The following NKAIN3 variants were observed in gnomAD, a reference collection of about 807,000 sequenced individuals.
NKAIN3 encodes sodium/potassium transporting ATPase interacting 3, also known as sodium/potassium-transporting ATPase subunit beta-1-interacting protein 3.
NKAIN3 carries 25 observed loss-of-function variants against 30.2 expected under a neutral mutation model. The observed-to-expected ratio is 0.83, with a 90% confidence interval of 0.60 to 1.16. The LOEUF (loss-of-function observed/expected upper bound fraction) is 1.16, where lower values mean the gene tolerates loss of function less well. Ranked by LOEUF, NKAIN3 falls within the 50% of genes most tolerant of loss-of-function variation. The pLI is 0.00. For synonymous variants in NKAIN3, 91 were observed against 89.6 expected, an observed-to-expected ratio of 1.02 and a Z score of -0.09; for missense variants, 225 against 254.1, an observed-to-expected ratio of 0.89 and a Z score of 0.78.
At chr8:62,849,338 T>C (rs2130770994) in intron 4 of NKAIN3, among the ~76,000 whole-genome samples, 1 of 150,838 alleles carries the variant, frequency 6.6e-6, no homozygotes, top group Admixed American at 6.6e-5. Context: ...TTTATTACTG[T>C]CTCAATTTCA....
At chr8:62,915,873 C>A (rs1481386620) in intron 4 of NKAIN3, among the ~76,000 whole-genome samples, 1 of 151,894 alleles carries the variant, frequency 6.6e-6, no homozygotes, top group African/African-American at 2.4e-5. Flanking sequence ...AAAGCAAGAT[C>A]AAGTTAATAA....
intron 4 of NKAIN3, among the ~76,000 whole-genome samples, chr8:62,808,476 C>A (rs992192134): frequency 1.3e-5 from 2 of 152,080 alleles, no homozygotes; most frequent in African/African-American, 4.8e-5. Context: ...GAAACCAGCC[C>A]CTGATATTTC....
At chr8:62,911,989 G>A (rs1354336598) in intron 4 of NKAIN3, among the ~76,000 whole-genome samples, 1 of 152,126 alleles carries the variant, frequency 6.6e-6, no homozygotes, top group Non-Finnish European at 1.5e-5. Flanking sequence ...CTTAACTACA[G>A]GGATACATTC....
At chr8:62,863,413 T>C in intron 4 of NKAIN3, 1 of 1,550,258 alleles carries the variant, frequency 6.5e-7, no homozygotes, top group Non-Finnish European at 8.8e-7. Context: ...CGGCTTTATG[T>C]CAGTATGAGT....
chr8:62,651,102 A>G (rs1812607513), intron 3 of NKAIN3, among the ~76,000 whole-genome samples: 1 of 151,752 alleles, frequency 6.6e-6, no homozygotes, highest in Non-Finnish European at 1.5e-5. Flanking sequence ...TTTATTTCCC[A>G]TCAGTACCTA....
At chr8:62,854,322 G>A (rs960296546) in intron 4 of NKAIN3, among the ~76,000 whole-genome samples, 1 of 152,176 alleles carries the variant, frequency 6.6e-6, no homozygotes, top group African/African-American at 2.4e-5. Flanking sequence ...CACTATTATT[G>A]TGTGGGAGTC....
chr8:62,289,798 T>C (rs1470493081), intron 1 of NKAIN3, among the ~76,000 whole-genome samples: 4 of 152,222 alleles, frequency 2.6e-5, no homozygotes, highest in South Asian at 4.1e-4. Context: ...GGTAGCTTGA[T>C]GGGGATGGCA....
At chr8:62,573,686 T>C (rs1203160649) in intron 1 of NKAIN3, among the ~76,000 whole-genome samples, 1 of 152,102 alleles carries the variant, frequency 6.6e-6, no homozygotes, top group Non-Finnish European at 1.5e-5. Context: ...TTTTTTTAAG[T>C]GTCTAAGATT....
At chr8:62,521,230 C>T (rs999523870) in intron 1 of NKAIN3, among the ~76,000 whole-genome samples, 18 of 151,998 alleles carry the variant, frequency 1.2e-4, no homozygotes, top group South Asian at 6.2e-4. Context: ...CCTGCTGTGA[C>T]GCTCTGATTC....
In NKAIN3 at chr8:62,970,271, T is replaced by C. The variant is rs1387640578; in HGVS notation, c.*4864T>C. 1.3e-5 allele frequency among the ~76,000 whole-genome samples: 2 copies of C among 152,144 alleles called. No homozygotes were observed. Among genetic ancestry groups the C allele is most frequent in the East Asian group, 3.9e-4 (2 of 5,180 alleles). ...TGTTTTAATTATTAGAAGAAGGTAT[T>C]TATCAATAAAGAATTCTCAAAAAAA... is the stretch of plus-strand genomic sequence containing the variant. On this transcript the variant is annotated 3_prime_UTR_variant, in exon 7 of 7. Transcript: ENST00000623646.
chr8:62,796,279 G>A (rs1817857543), intron 4 of NKAIN3, among the ~76,000 whole-genome samples: 2 of 148,438 alleles, frequency 1.3e-5, no homozygotes, highest in Non-Finnish European at 3.0e-5. Flanking sequence ...AGCTACTCCA[G>A]AGGTTGGGAC....
intron 1 of NKAIN3, chr8:62,482,778 A>G (rs1806767714): frequency 6.6e-6 from 1 of 152,216 alleles, no homozygotes; most frequent in Non-Finnish European, 1.5e-5. Context: ...ATGCACTGAC[A>G]TCAGGGTTTG....
chr8:62,477,586 A>G (rs1806562574), intron 1 of NKAIN3, among the ~76,000 whole-genome samples: 2 of 152,206 alleles, frequency 1.3e-5, no homozygotes, highest in Admixed American at 1.3e-4. Flanking sequence ...TGGGTGATAG[A>G]AATAGTATTG....
intron 1 of NKAIN3, among the ~76,000 whole-genome samples, chr8:62,328,300 C>G (rs1046706431): frequency 3.9e-5 from 6 of 152,074 alleles, no homozygotes; most frequent in Non-Finnish European, 5.9e-5. Context: ...TAATATAGTT[C>G]AATATACATT....
At chr8:62,890,474 T>C (rs1821268669) in intron 4 of NKAIN3, among the ~76,000 whole-genome samples, 1 of 152,222 alleles carries the variant, frequency 6.6e-6, no homozygotes, top group Admixed American at 6.5e-5. Flanking sequence ...TCAACTAACT[T>C]ATGTTTCATG....
chr8:62,395,005 A>G (rs1043775610), intron 1 of NKAIN3, among the ~76,000 whole-genome samples: 1 of 121,506 alleles, frequency 8.2e-6, no homozygotes, highest in Non-Finnish European at 1.7e-5. Context: ...AGAGGCGCTC[A>G]TCACTTCTCA....
intron 1 of NKAIN3, among the ~76,000 whole-genome samples, chr8:62,464,070 C>T (rs118007091): frequency 5.3e-5 from 8 of 152,288 alleles, no homozygotes; most frequent in Non-Finnish European, 1.0e-4. Flanking sequence ...TTTAGTGAAT[C>T]ACAATGCACC....
intron 1 of NKAIN3, among the ~76,000 whole-genome samples, chr8:62,340,673 G>A (rs1815711471): frequency 6.6e-6 from 1 of 152,108 alleles, no homozygotes; most frequent in South Asian, 2.1e-4. Context: ...GGACATCAAG[G>A]GTAGGGGGAA....
chr8:62,515,132 G>A (rs1212077500), intron 1 of NKAIN3, among the ~76,000 whole-genome samples: 1 of 152,026 alleles, frequency 6.6e-6, no homozygotes, highest in African/African-American at 2.4e-5. Flanking sequence ...GTCTGGGTAT[G>A]TTTTCACAAA....
Sources: allele counts gnomAD v4.1 joint callset (sites outside exome capture counted in the v4.1 genomes callset), GRCh38; gene constraint gnomAD v4.1.1; transcripts MANE v1.5; gene names NCBI Gene and HGNC (gene_info 2026-07-23, HGNC 2026-07-21).